The following RABGAP1L variants were observed in gnomAD, a reference collection of about 807,000 sequenced individuals.
The protein encoded by RABGAP1L is rab GTPase-activating protein 1-like.
Under a neutral mutation model 137.7 loss-of-function variants are expected in RABGAP1L, and 63 were observed. The observed-to-expected ratio is 0.46, with a 90% CI of 0.37 to 0.56. RABGAP1L has a LOEUF of 0.56. RABGAP1L is among the 20% of genes least tolerant of loss of function. RABGAP1L has a pLI of 0.00. For synonymous variants in RABGAP1L, 431 were observed against 433.7 expected, an observed-to-expected ratio of 0.99 and a Z score of 0.08; for missense variants, 1,095 against 1,244.0, an observed-to-expected ratio of 0.88 and a Z score of 1.80.
rs146628175 is a variant in RABGAP1L at position 174,330,359 on chromosome 1, C to T, written c.1465+25232C>T. ...CTTTCGGAGGCTGAGGCAGGAGGAT[C>T]TCTTGAAGGCAAGAGTTTGAGACTA... On this transcript the variant is annotated intron_variant, in intron 11 of 25. Coordinates refer to ENST00000681986, the MANE Select transcript of RABGAP1L (RefSeq NM_001366446.1). Among the ~76,000 whole-genome samples the T allele has an allele frequency of 1.2e-3, 178 of 152,200 alleles. 1 individual carries two copies. The highest frequency in any genetic ancestry group is 4.2e-3 in the African/African-American group (174 of 41,536).
chr1:174,837,669 G>A (rs1692908882), intron 19 of RABGAP1L, among the ~76,000 whole-genome samples: 1 of 152,184 alleles, frequency 6.6e-6, no homozygotes, highest in Admixed American at 6.5e-5. Flanking sequence ...AGGCCAGGCT[G>A]AAGTTTACAG....
intron 13 of RABGAP1L, among the ~76,000 whole-genome samples, chr1:174,519,242 A>G (rs1390722766): frequency 2.0e-5 from 3 of 152,024 alleles, no homozygotes; most frequent in Non-Finnish European, 2.9e-5. Flanking sequence ...ACATATATAT[A>G]TATTTATGTA....
rs146894892 is a variant in RABGAP1L at position 174,724,564 on chromosome 1, G to C, written c.2169+22308G>C. On this transcript the variant is annotated intron_variant, in intron 17 of 25. Transcript: ENST00000681986. The stretch of plus-strand genomic sequence containing the variant: ...TCAACTTAACATCTAGAGGACCAGA[G>C]ATATTCACTGAAAGGAATGCTTTTT... Among the ~76,000 whole-genome samples the C allele has an allele frequency of 1.5e-3, 224 of 152,212 alleles. 2 individuals are homozygous for C. Among genetic ancestry groups the C allele is most frequent in the Non-Finnish European group, 2.6e-3 (174 of 68,012 alleles).
intron 19 of RABGAP1L, among the ~76,000 whole-genome samples, chr1:174,894,945 C>T (rs768834610): frequency 1.1e-4 from 17 of 151,948 alleles, no homozygotes; most frequent in Non-Finnish European, 1.5e-4. Flanking sequence ...TTAGTAGAGA[C>T]GAGATTTCAC....
At position 174,514,247 on chromosome 1, in the gene RABGAP1L, CAAAAAAAAAAAAA is replaced by C. The variant is rs776487855; in HGVS notation, c.1710+120113_1710+120125del. Among the ~76,000 whole-genome samples the C allele has an allele frequency of 1.0e-3, 85 of 81,076 alleles. 1 individual carries two copies. The East Asian group carries it at 0.021, about 20-fold the overall frequency. The allele number at this position is 81,076 out of a possible 152,430, so 53.2% of individuals were successfully genotyped here. On this transcript the variant is annotated intron_variant, in intron 13 of 25. Transcript: ENST00000681986. ...ATGAAGCATGTGTTATATTTTAAGC[CAAAAAAAAAAAAA>C]AAAAAAAAAACTGGGGAGGGATCTT...
intron 13 of RABGAP1L, among the ~76,000 whole-genome samples, chr1:174,624,410 C>T (rs1672786748): frequency 6.6e-6 from 1 of 152,090 alleles, no homozygotes; most frequent in African/African-American, 2.4e-5. Context: ...GATCTTAAGC[C>T]TTTTGCAATT....
At chr1:174,302,452 T>G (rs1479447005) in intron 10 of RABGAP1L, among the ~76,000 whole-genome samples, 3 of 152,198 alleles carry the variant, frequency 2.0e-5, no homozygotes, top group African/African-American at 7.2e-5. Flanking sequence ...TTAGAATGAA[T>G]TGAGAGGAGC....
At chr1:174,711,516 G>A (rs902707835) in intron 17 of RABGAP1L, among the ~76,000 whole-genome samples, 1 of 152,138 alleles carries the variant, frequency 6.6e-6, no homozygotes, top group African/African-American at 2.4e-5. Context: ...TGCTGGCCCT[G>A]GGCAGTGAGG....
intron 14 of RABGAP1L, among the ~76,000 whole-genome samples, chr1:174,646,365 A>C (rs1201345656): frequency 6.6e-6 from 1 of 152,110 alleles, no homozygotes; most frequent in Non-Finnish European, 1.5e-5. Context: ...TAAGTCTTTA[A>C]TCCATCTTGA....
At chr1:174,728,941 A>G (rs945862231) in intron 17 of RABGAP1L, among the ~76,000 whole-genome samples, 4 of 152,126 alleles carry the variant, frequency 2.6e-5, no homozygotes, top group Non-Finnish European at 4.4e-5. Context: ...GTGCCTGGCC[A>G]CCAGTGTCAT....
At chr1:174,228,839 T>TA (rs1164169167) in intron 3 of RABGAP1L, among the ~76,000 whole-genome samples, 4 of 152,136 alleles carry the variant, frequency 2.6e-5, no homozygotes, top group African/African-American at 4.8e-5. Flanking sequence ...GTTCAAGTGA[T>TA]ACATGTATGC....
intron 13 of RABGAP1L, among the ~76,000 whole-genome samples, chr1:174,523,697 C>G (rs1663622961): frequency 2.0e-5 from 3 of 152,122 alleles, no homozygotes; most frequent in African/African-American, 7.2e-5. Context: ...TAACTATAGT[C>G]AGTGTAGTCT....
intron 23 of RABGAP1L, among the ~76,000 whole-genome samples, chr1:174,980,734 C>A (rs964737211): frequency 6.6e-6 from 1 of 152,130 alleles, no homozygotes. Flanking sequence ...TCTTTTTGAG[C>A]AGGAAAGTGG....
intron 20 of RABGAP1L, among the ~76,000 whole-genome samples, chr1:174,963,292 C>T (rs1413917921): frequency 4.6e-5 from 7 of 152,118 alleles, no homozygotes; most frequent in Non-Finnish European, 7.4e-5. Context: ...AAGTCTTCCA[C>T]TTTCTCTTTG....
At chr1:174,238,300 C>T (rs913064675) in intron 4 of RABGAP1L, among the ~76,000 whole-genome samples, 14 of 152,174 alleles carry the variant, frequency 9.2e-5, no homozygotes, top group Non-Finnish European at 1.6e-4. Flanking sequence ...AGGTTTGTTC[C>T]GTTGCCGGTG....
chr1:174,918,175 G>A (rs1219951063), intron 19 of RABGAP1L, among the ~76,000 whole-genome samples: 1 of 152,066 alleles, frequency 6.6e-6, no homozygotes, highest in Non-Finnish European at 1.5e-5. Flanking sequence ...GATGCAAAGA[G>A]ACTTAAGTGT....
At chr1:174,731,786 T>G (rs1682498778) in intron 17 of RABGAP1L, among the ~76,000 whole-genome samples, 1 of 152,256 alleles carries the variant, frequency 6.6e-6, no homozygotes. Flanking sequence ...GCTGTTGCCT[T>G]CCTTGCTACA....
intron 1 of RABGAP1L, among the ~76,000 whole-genome samples, chr1:174,168,418 A>G (rs1665086404): frequency 6.6e-6 from 1 of 152,060 alleles, no homozygotes; most frequent in Non-Finnish European, 1.5e-5. Flanking sequence ...GTTATTGAGC[A>G]GCTGTTTTAT....
chr1:174,878,355 T>A (rs190815301), intron 19 of RABGAP1L, among the ~76,000 whole-genome samples: 64 of 152,240 alleles, frequency 4.2e-4, no homozygotes, highest in Non-Finnish European at 7.5e-4. Context: ...GCCTCCCTAG[T>A]AGCTGGGATT....
Sources: allele counts gnomAD v4.1 joint callset (sites outside exome capture counted in the v4.1 genomes callset), GRCh38; gene constraint gnomAD v4.1.1; transcripts MANE v1.5; gene names NCBI Gene and HGNC (gene_info 2026-07-23, HGNC 2026-07-21).